The following EXOC5 variants were observed in gnomAD, a reference collection of about 807,000 sequenced individuals.
EXOC5 encodes the protein exocyst complex component 5, also known as SEC10-like 1.
Under a neutral mutation model 90.8 loss-of-function variants are expected in EXOC5, and 17 were observed. The ratio of observed to expected loss-of-function variants is 0.19; its 90% CI spans 0.13 to 0.28. The LOEUF (loss-of-function observed/expected upper bound fraction) is 0.28, where lower values mean the gene tolerates loss of function less well. EXOC5 is among the 10% of genes least tolerant of loss of function. The probability of loss-of-function intolerance (pLI) is 1.00; values close to 1 mark genes in which losing one functional copy is unlikely to be tolerated. For missense variants in EXOC5, 569 were observed against 830.6 expected, an observed-to-expected ratio of 0.69 and a Z score of 3.87; for synonymous variants, 260 against 270.0, an observed-to-expected ratio of 0.96 and a Z score of 0.36.
rs777897188 is a variant in EXOC5 at position 57,233,893 on chromosome 14, A to G, written c.715-10T>C. Reference sequence around the variant, plus strand: ...TTCTCAAATAAGCACCCTAAACAGCAGAGACATTTTATACAGTGAACATAT... The same window carrying G: ...TTCTCAAATAAGCACCCTAAACAGCGGAGACATTTTATACAGTGAACATAT... On this transcript the variant is annotated splice_polypyrimidine_tract_variant and intron_variant, in intron 8 of 17. Coordinates refer to ENST00000621441, the MANE Select transcript of EXOC5 (RefSeq NM_006544.4). 1.2e-6 allele frequency: 2 copies of G among 1,608,594 alleles called. No individual in the cohort carries two copies. Among genetic ancestry groups the G allele is most frequent in the South Asian group, 1.1e-5 (1 of 90,630 alleles).
chr14:57,239,665 A>G lies in EXOC5; in HGVS notation c.466-6T>C. 3 of 1,501,662 alleles carry G rather than the reference A, an allele frequency of 2.0e-6. No homozygotes were observed. The highest frequency in any genetic ancestry group is 2.7e-6 in the Non-Finnish European group (3 of 1,120,146). The allele number at this position is 1,501,662 out of a possible 1,614,324, so 93.0% of individuals were successfully genotyped here. Reference sequence around the variant, plus strand: ...ATGTCTGCTGCTTCCTTTATCTATGAAAAAATAAATAAAAGCAATAATTTA... The same window carrying G: ...ATGTCTGCTGCTTCCTTTATCTATGGAAAAATAAATAAAAGCAATAATTTA... On this transcript the variant is annotated splice_polypyrimidine_tract_variant and splice_region_variant and intron_variant, in intron 4 of 17. Coordinates refer to ENST00000621441, the MANE Select transcript of EXOC5 (RefSeq NM_006544.4).
intron 11 of EXOC5, 83 bp from the exon 12 acceptor site, chr14:57,229,964 T>A (rs930224608): frequency 1.5e-5 from 12 of 774,390 alleles, no homozygotes; most frequent in Non-Finnish European, 2.2e-5. Context: ...TTAGTATATA[T>A]CAACAACAAA....
intron 12 of EXOC5, among the ~76,000 whole-genome samples, chr14:57,225,953 T>C (rs1306267360): frequency 2.0e-5 from 3 of 152,200 alleles, no homozygotes; most frequent in Admixed American, 2.0e-4. Context: ...TTTCACTGAA[T>C]ATACAATTTG....
At chr14:57,226,500 C>A (rs971448341) in intron 12 of EXOC5, among the ~76,000 whole-genome samples, 1 of 152,102 alleles carries the variant, frequency 6.6e-6, no homozygotes, top group Non-Finnish European at 1.5e-5. Context: ...AAATCTCAGA[C>A]TTTTTCAGAA....
At chr14:57,219,686 G>A (rs1184885250) in intron 13 of EXOC5, among the ~76,000 whole-genome samples, 2 of 152,018 alleles carry the variant, frequency 1.3e-5, no homozygotes, top group Admixed American at 6.6e-5. Flanking sequence ...TGATTCACGT[G>A]AGCCATGAAT....
rs761654494 is a variant in EXOC5, at chr14:57,231,541, C to T, written c.1113G>A (p.Ser371=). ...CAATGGATCTCTTTTGATGGTTTTT[C>T]GAATCATAATAGCGCTGTAGGATCA... ...SAMILQRYYD[S]KNHQKRSIGT... Residue 371 remains serine (S), a synonymous_variant, in exon 11 of 18, where the codon TCG becomes TCA. Coordinates refer to ENST00000621441, the MANE Select transcript of EXOC5 (RefSeq NM_006544.4). The T allele has an allele frequency of 5.0e-6, 8 of 1,611,376 alleles. No homozygotes were observed. The highest frequency in any genetic ancestry group is 3.3e-5 in the South Asian group (3 of 90,784).
At chr14:57,209,453 A>G (rs1215465129) in intron 17 of EXOC5, 114 bp downstream of exon 17, 2 of 595,592 alleles carry the variant, frequency 3.4e-6, no homozygotes, top group Middle Eastern at 2.7e-4. Context: ...TATCTCATAC[A>G]ATATCAACAA....
intron 2 of EXOC5, 90 bp from the exon 3 acceptor site, chr14:57,246,948 G>A (rs1311618010): frequency 8.5e-6 from 6 of 709,666 alleles, no homozygotes; most frequent in Admixed American, 6.7e-5. Flanking sequence ...GTCTTAATAA[G>A]AAGAGTTCCT....
At chr14:57,239,457 T>C in intron 5 of EXOC5, 138 bp downstream of exon 5, 1 of 605,794 alleles carries the variant, frequency 1.7e-6, no homozygotes. Context: ...GTGAATAAAC[T>C]AGCAAGTAAA....
Position 57,238,349 on chromosome 14 carries a change from C to CATATAT in EXOC5, c.531-989_531-984dup, listed in dbSNP as rs146486005. ...GAGTTGAATATATATCCTAATTAGA[C>CATATAT]ATATATATATATATATATATATATA... On this transcript the variant is annotated intron_variant, in intron 5 of 17. Coordinates refer to ENST00000621441, the MANE Select transcript of EXOC5 (RefSeq NM_006544.4). Among the ~76,000 whole-genome samples, 473 of 89,086 alleles carry CATATAT rather than the reference C, an allele frequency of 5.3e-3. 7 individuals are homozygous for CATATAT. The highest frequency in any genetic ancestry group is 0.015 in the Middle Eastern group (2 of 130). 58.4% of individuals were successfully genotyped at this position (89,086 alleles called of 152,430 possible).
chr14:57,246,766 T>A lies in EXOC5; in HGVS notation c.215A>T (p.Gln72Leu), dbSNP rs1884045193. 6.2e-7 allele frequency: 1 copy of A among 1,610,822 alleles called. No homozygotes were observed. Among genetic ancestry groups the A allele is most frequent in the African/African-American group, 1.3e-5 (1 of 74,946 alleles). ...RKVEKLEQQC[Q>L]KEAKEFAKKV... ...CTTGGCAAATTCCTTGGCTTCTTTC[T>A]GACATTGTTGCTCTAGTTTCTCTAC... The change falls in exon 3 of 18, where the codon CAG becomes CTG. Residue 72 changes from glutamine (Q) to leucine (L), a missense_variant. Gln to Leu is a moderately radical substitution (Grantham distance 113, BLOSUM62 -2). Coordinates refer to ENST00000621441, the MANE Select transcript of EXOC5 (RefSeq NM_006544.4).
intron 1 of EXOC5, among the ~76,000 whole-genome samples, chr14:57,254,360 G>A (rs908956930): frequency 1.3e-5 from 2 of 151,828 alleles, no homozygotes; most frequent in Non-Finnish European, 2.9e-5. Flanking sequence ...ACTTGAACTC[G>A]TGAGGCAGAG....
At chr14:57,226,014 G>C (rs775323902) in intron 12 of EXOC5, among the ~76,000 whole-genome samples, 31 of 152,162 alleles carry the variant, frequency 2.0e-4, no homozygotes, top group Admixed American at 1.2e-3. Context: ...ATCTGGCTCG[G>C]TGAATCTACA....
rs566263279 is a variant in EXOC5, at chr14:57,217,960, A to G, written c.1613+22T>C. Reference sequence around the variant, plus strand: ...TGTTTTTATAATTTAAAAAAATGCAAGAGACAAAACCAACAACTTGCCTAT... The same window carrying G: ...TGTTTTTATAATTTAAAAAAATGCAGGAGACAAAACCAACAACTTGCCTAT... On this transcript the variant is annotated intron_variant, in intron 15 of 17. Transcript: ENST00000621441. The G allele has an allele frequency of 8.3e-5, 105 of 1,269,216 alleles. No homozygotes were observed. The South Asian group carries it at 1.3e-3, about 16-fold the overall frequency. The allele number at this position is 1,269,216 out of a possible 1,614,324, so 78.6% of individuals were successfully genotyped here. A position where few individuals can be genotyped will look rare whatever the true frequency, so the allele number is the denominator to read the frequency against.
At position 57,244,373 on chromosome 14, in the gene EXOC5, G is replaced by A. The variant is rs1566501412; in HGVS notation, c.271-14C>T. On this transcript the variant is annotated splice_polypyrimidine_tract_variant and intron_variant, in intron 3 of 17. Transcript: ENST00000621441. ...TTGGAAGGCAACCTAGGAAAAATGTGCATAAGCATAAAATACAATCAGTGT... is the reference window on the plus strand; with the variant it reads ...TTGGAAGGCAACCTAGGAAAAATGTACATAAGCATAAAATACAATCAGTGT... 6.3e-7 allele frequency: 1 copy of A among 1,588,412 alleles called. No individual in the cohort carries two copies. Among genetic ancestry groups the A allele is most frequent in the Non-Finnish European group, 8.6e-7 (1 of 1,157,334 alleles).
intron 4 of EXOC5, among the ~76,000 whole-genome samples, 172 bp from the exon 5 acceptor site, chr14:57,239,831 T>C (rs1452224414): frequency 2.6e-5 from 4 of 152,168 alleles, no homozygotes; most frequent in Non-Finnish European, 5.9e-5. Flanking sequence ...CAAGAATACA[T>C]TTGGGGTGTT....
chr14:57,267,652 G>C (rs565416380), intron 1 of EXOC5, among the ~76,000 whole-genome samples: 62 of 152,144 alleles, frequency 4.1e-4, no homozygotes, highest in Non-Finnish European at 7.6e-4. Flanking sequence ...CACACAAGGA[G>C]ATGCTTTATA....
chr14:57,265,741 A>T (rs1458390023), intron 1 of EXOC5, among the ~76,000 whole-genome samples: 1 of 152,180 alleles, frequency 6.6e-6, no homozygotes, highest in Admixed American at 6.5e-5. Flanking sequence ...AAAGAAAAGG[A>T]ATTTCTGAGC....
chr14:57,268,216 G>A (rs1175362812), intron 1 of EXOC5: 2 of 256,544 alleles, frequency 7.8e-6, no homozygotes, highest in African/African-American at 2.3e-5. Flanking sequence ...TATTATTCCC[G>A]CGAGGACCCC....
Sources: gnomAD v4.1 joint callset for allele counts (sites outside exome capture counted in the v4.1 genomes callset) on GRCh38, gnomAD v4.1.1 for gene constraint, MANE v1.5 for transcripts, NCBI Gene and HGNC (gene_info 2026-07-23, HGNC 2026-07-21) for gene names.